The following MYO5B variants were observed in gnomAD, a reference collection of about 807,000 sequenced individuals.
The protein encoded by MYO5B is myosin VB.
A neutral mutation model predicts 229.3 loss-of-function variants in MYO5B; 143 were observed. The ratio of observed to expected loss-of-function variants is 0.62; its 90% CI spans 0.54 to 0.72. The LOEUF (loss-of-function observed/expected upper bound fraction) is 0.72, where lower values mean the gene tolerates loss of function less well. MYO5B is among the 30% of genes least tolerant of loss of function. The pLI is 0.00. For missense variants in MYO5B, 2,321 were observed against 2,331.0 expected (o/e 1.00, Z 0.09); for synonymous variants, 918 against 885.2 (o/e 1.04, Z -0.66).
chr18:49,977,274 T>C (rs1485032182), intron 9 of MYO5B, among the ~76,000 whole-genome samples: 1 of 152,258 alleles, frequency 6.6e-6, no homozygotes, highest in African/African-American at 2.4e-5. Flanking sequence ...ATATAATAAG[T>C]AGCAGATCAG....
In MYO5B at chr18:49,865,714, C is replaced by T. The variant is rs200155705; in HGVS notation, c.3604-1334G>A. On this transcript the variant is annotated intron_variant, in intron 27 of 39. Transcript: ENST00000285039. The stretch of plus-strand genomic sequence containing the variant: ...AGCTGTGACAGGCCAGAACTGAGCT[C>T]GGTGACAGCTGTTGGCTGTGTGCCT... Among the ~76,000 whole-genome samples the T allele has an allele frequency of 2.0e-4, 31 of 152,292 alleles. No homozygotes were observed. In the South Asian group the frequency reaches 2.9e-3, roughly 14 times the overall value.
rs145918940 is a variant in MYO5B at position 49,999,659 on chromosome 18, ATTCT to A, written c.612+1592_612+1595del. On this transcript the variant is annotated intron_variant, in intron 5 of 39. Coordinates refer to ENST00000285039, the MANE Select transcript of MYO5B (RefSeq NM_001080467.3). Reference sequence around the variant, plus strand: ...GTATTAAAGGGGATTATTTCCTTTCATTCTTTCACATTTTCCAGTGAGCCCATCC... The same window carrying A: ...GTATTAAAGGGGATTATTTCCTTTCATTCACATTTTCCAGTGAGCCCATCC... 9.0e-3 allele frequency among the ~76,000 whole-genome samples: 1,374 copies of A among 152,352 alleles called. 22 individuals carry two copies. Among genetic ancestry groups the A allele is most frequent in the African/African-American group, 0.032 (1,329 of 41,570 alleles).
intron 10 of MYO5B, among the ~76,000 whole-genome samples, chr18:49,968,380 A>G (rs1048725115): frequency 6.6e-6 from 1 of 152,218 alleles, no homozygotes; most frequent in African/African-American, 2.4e-5. Context: ...GAGCTTATAT[A>G]CCTTCTAAGC....
At chr18:50,077,453 G>A (rs2031111122) in intron 1 of MYO5B, among the ~76,000 whole-genome samples, 1 of 150,872 alleles carries the variant, frequency 6.6e-6, no homozygotes, top group Non-Finnish European at 1.5e-5. Flanking sequence ...TGCCTACCAT[G>A]AGATGCTAAG....
At chr18:50,187,594 G>A (rs1475173818) in intron 1 of MYO5B, among the ~76,000 whole-genome samples, 1 of 152,124 alleles carries the variant, frequency 6.6e-6, no homozygotes, top group Admixed American at 6.5e-5. Flanking sequence ...ACAGCTCACT[G>A]CTACCTCAAC....
rs367825037 is a variant in MYO5B, at chr18:49,832,497, AATTT to A, written c.5394+2843_5394+2846del. On this transcript the variant is annotated intron_variant, in intron 39 of 39. Coordinates refer to ENST00000285039, the MANE Select transcript of MYO5B (RefSeq NM_001080467.3). ...ATATATCCTGATTTTGTGAAAACAC[AATTT>A]ATTTTTCTTAAACCTCGAAACAGGC... is the stretch of plus-strand genomic sequence containing the variant. Among the ~76,000 whole-genome samples, 1,331 of 152,332 alleles carry A rather than the reference AATTT, an allele frequency of 8.7e-3. 37 individuals carry two copies. The South Asian group carries it at 0.12, about 13-fold the overall frequency.
Position 49,823,656 on chromosome 18 carries a change from T to C in MYO5B, c.*2815A>G, listed in dbSNP as rs1291223346. 6.6e-6 allele frequency: 1 copy of C among 152,204 alleles called. No homozygotes were observed. Among genetic ancestry groups the C allele is most frequent in the East Asian group, 1.9e-4 (1 of 5,192 alleles). 9.4% of individuals were successfully genotyped at this position (152,204 alleles called of 1,614,324 possible). A position where few individuals can be genotyped will look rare whatever the true frequency, so the allele number is the denominator to read the frequency against. On this transcript the variant is annotated 3_prime_UTR_variant, in exon 40 of 40. Transcript: ENST00000285039. ...AAGCAACTCCCACTGACATGCTTCATGGAAAGGGGAAAAACATCTACCTTT... is the reference window on the plus strand; with the variant it reads ...AAGCAACTCCCACTGACATGCTTCACGGAAAGGGGAAAAACATCTACCTTT...
At chr18:49,988,916 T>C (rs2025899742) in intron 7 of MYO5B, among the ~76,000 whole-genome samples, 1 of 152,168 alleles carries the variant, frequency 6.6e-6, no homozygotes, top group African/African-American at 2.4e-5. Context: ...AAAATCAGAC[T>C]TGCAAGCACT....
At chr18:49,839,717 TGAG>T (rs1255547879) in intron 35 of MYO5B, 1 of 244,298 alleles carries the variant, frequency 4.1e-6, no homozygotes. Context: ...TACGCTTGTA[TGAG>T]GAGAAATTTT....
intron 4 of MYO5B, among the ~76,000 whole-genome samples, chr18:50,021,718 T>TA (rs34172106): frequency 0.11 from 12,726 of 119,520 alleles, 797 homozygotes; most frequent in Middle Eastern, 0.13. Flanking sequence ...CCCATCTGCG[T>TA]AAAAAAAAAA....
At chr18:50,161,272 T>C (rs533695900) in intron 1 of MYO5B, among the ~76,000 whole-genome samples, 2 of 152,238 alleles carry the variant, frequency 1.3e-5, no homozygotes, top group Non-Finnish European at 2.9e-5. Flanking sequence ...TAATCCCAGC[T>C]ACTCAGGAGG....
intron 1 of MYO5B, 46 bp downstream of exon 1, chr18:50,194,721 G>A: frequency 7.3e-7 from 1 of 1,373,908 alleles, no homozygotes; most frequent in Non-Finnish European, 9.8e-7. Context: ...GTGGCCCCGA[G>A]CGCGCCACCC....
At chr18:50,178,430 G>C (rs1434360467) in intron 1 of MYO5B, among the ~76,000 whole-genome samples, 1 of 152,158 alleles carries the variant, frequency 6.6e-6, no homozygotes, top group Non-Finnish European at 1.5e-5. Flanking sequence ...TCATTTCTTA[G>C]TATCCACAGT....
intron 1 of MYO5B, among the ~76,000 whole-genome samples, chr18:50,133,734 T>C (rs1325378092): frequency 6.6e-6 from 1 of 152,138 alleles, no homozygotes; most frequent in East Asian, 1.9e-4. Flanking sequence ...CTGGGGCACT[T>C]GGTCAAAACA....
chr18:50,078,708 C>G (rs1157975321), intron 1 of MYO5B, among the ~76,000 whole-genome samples: 1 of 152,104 alleles, frequency 6.6e-6, no homozygotes, highest in African/African-American at 2.4e-5. Context: ...TAAGACCCAC[C>G]ACACCCATGA....
intron 17 of MYO5B, among the ~76,000 whole-genome samples, chr18:49,920,915 C>G (rs146479543): frequency 1.3e-5 from 2 of 152,086 alleles, no homozygotes; most frequent in African/African-American, 4.8e-5. Flanking sequence ...TCCAAAGGAA[C>G]GAAGACAGAT....
intron 14 of MYO5B, among the ~76,000 whole-genome samples, chr18:49,947,733 C>G (rs1471133338): frequency 6.6e-6 from 1 of 152,150 alleles, no homozygotes; most frequent in Admixed American, 6.5e-5. Context: ...CCAGACAAAC[C>G]AATATTTTCC....
At chr18:49,989,895 A>C (rs1362354731) in intron 7 of MYO5B, among the ~76,000 whole-genome samples, 1 of 152,132 alleles carries the variant, frequency 6.6e-6, no homozygotes, top group African/African-American at 2.4e-5. Flanking sequence ...AGTCCACGAG[A>C]GATCAGATGG....
chr18:50,069,508 A>G (rs1172469613), intron 1 of MYO5B, among the ~76,000 whole-genome samples: 1 of 152,130 alleles, frequency 6.6e-6, no homozygotes, highest in Non-Finnish European at 1.5e-5. Context: ...CACACTGTCC[A>G]CTGTCTATTC....
Sources: allele counts gnomAD v4.1 joint callset (sites outside exome capture counted in the v4.1 genomes callset), GRCh38; gene constraint gnomAD v4.1.1; transcripts MANE v1.5; gene names NCBI Gene and HGNC (gene_info 2026-07-23, HGNC 2026-07-21).